The following CTDSPL variants were observed in gnomAD, a reference collection of about 807,000 sequenced individuals.
The protein encoded by CTDSPL is CTD small phosphatase like, also known as CTD small phosphatase-like protein.
A neutral mutation model predicts 30.5 loss-of-function variants in CTDSPL; 8 were observed. That is an observed-to-expected ratio of 0.26 (90% CI 0.15 to 0.47). The LOEUF is 0.47. Ranked by LOEUF, CTDSPL falls within the 20% of genes least tolerant of loss-of-function variation. The pLI is 0.99. For synonymous variants in CTDSPL, 110 were observed against 137.9 expected (o/e 0.80, Z 1.42); for missense variants, 248 against 366.1 (o/e 0.68, Z 2.63).
At chr3:37,882,999 C>T (rs572060763) in intron 1 of CTDSPL, among the ~76,000 whole-genome samples, 2 of 152,308 alleles carry the variant, frequency 1.3e-5, no homozygotes, top group South Asian at 4.1e-4. Context: ...GTTCTATTTA[C>T]AAACGTGTAG....
At chr3:37,930,674 A>G (rs1412488168) in intron 1 of CTDSPL, among the ~76,000 whole-genome samples, 2 of 152,182 alleles carry the variant, frequency 1.3e-5, no homozygotes, top group Non-Finnish European at 2.9e-5. Context: ...TATCCTGGAG[A>G]GTATTTTGCA....
Position 37,862,212 on chromosome 3 carries a change from G to T in CTDSPL, c.13G>T (p.Ala5Ser). 7.0e-7 allele frequency: 1 copy of T among 1,438,248 alleles called. No homozygotes were observed. Among genetic ancestry groups the T allele is most frequent in the South Asian group, 1.4e-5 (1 of 73,730 alleles). The allele number at this position is 1,438,248 out of a possible 1,614,324, so 89.1% of individuals were successfully genotyped here. The change falls in exon 1 of 8, where the codon GCC becomes TCC. Residue 5 changes from alanine to serine, a missense_variant. Ala to Ser is a moderately conservative substitution (Grantham distance 99). Coordinates refer to ENST00000273179, the MANE Select transcript of CTDSPL (RefSeq NM_001008392.2). The surrounding 1 kb of genome is among the most constrained non-coding windows in gnomAD (Gnocchi z 4.3). ...GCGCCGCGCACCCATGGACGGCCCGGCCATCATCACCCAGGTGACCAACCC... is the reference window on the plus strand; with the variant it reads ...GCGCCGCGCACCCATGGACGGCCCGTCCATCATCACCCAGGTGACCAACCC... MDGPAIITQVTNPKE... is the reference protein window; with the variant it reads MDGPSIITQVTNPKE...
intron 1 of CTDSPL, among the ~76,000 whole-genome samples, chr3:37,928,831 G>A (rs1698816504): frequency 1.3e-5 from 2 of 152,106 alleles, no homozygotes; most frequent in Admixed American, 6.5e-5. Context: ...TGGTTTTAGT[G>A]TCATATCCAA....
In CTDSPL at chr3:37,981,065, C is replaced by A; in HGVS notation, c.*198C>A. On this transcript the variant is annotated 3_prime_UTR_variant, in exon 8 of 8. Transcript: ENST00000273179. ...TTAAAAGAACTCTTTTAAGAAATTT[C>A]ATAAAGGGACATGCATTTTACTGGG... is the stretch of plus-strand genomic sequence containing the variant. 2.2e-5 allele frequency: 8 copies of A among 362,646 alleles called. No homozygotes were observed. Among genetic ancestry groups the A allele is most frequent in the East Asian group, 5.6e-5 (1 of 17,946 alleles). 22.5% of individuals were successfully genotyped at this position (362,646 alleles called of 1,614,324 possible).
intron 4 of CTDSPL, among the ~76,000 whole-genome samples, chr3:37,967,187 A>G (rs1443511722): frequency 6.6e-6 from 1 of 152,228 alleles, no homozygotes; most frequent in Non-Finnish European, 1.5e-5. Flanking sequence ...AGGGCCTGAA[A>G]TCACTGATTC....
At chr3:37,867,530 G>A (rs1698024408) in intron 1 of CTDSPL, among the ~76,000 whole-genome samples, 1 of 152,172 alleles carries the variant, frequency 6.6e-6, no homozygotes, top group South Asian at 2.1e-4. Flanking sequence ...TAAAGAAACT[G>A]CCAAACTGTT....
chr3:37,904,867 C>T (rs1698495827), intron 1 of CTDSPL, among the ~76,000 whole-genome samples: 1 of 152,154 alleles, frequency 6.6e-6, no homozygotes, highest in Non-Finnish European at 1.5e-5. Flanking sequence ...GGATTTCCTG[C>T]CTCTAGGTCT....
At chr3:37,879,506 C>T (rs964853628) in intron 1 of CTDSPL, among the ~76,000 whole-genome samples, 1 of 152,236 alleles carries the variant, frequency 6.6e-6, no homozygotes, top group Admixed American at 6.5e-5. Context: ...TTTTGAGCCT[C>T]CTATGCGGGA....
intron 1 of CTDSPL, among the ~76,000 whole-genome samples, chr3:37,922,481 C>T (rs1341332522): frequency 6.6e-6 from 1 of 152,174 alleles, no homozygotes; most frequent in Non-Finnish European, 1.5e-5. Flanking sequence ...AGATAGATGT[C>T]AGGACAACAA....
At chr3:37,867,318 C>T (rs866659474) in intron 1 of CTDSPL, among the ~76,000 whole-genome samples, 2 of 151,988 alleles carry the variant, frequency 1.3e-5, no homozygotes, top group Admixed American at 6.6e-5. Context: ...CAATTGTATT[C>T]CATGACATGG....
At chr3:37,921,214 T>G (rs1698709571) in intron 1 of CTDSPL, among the ~76,000 whole-genome samples, 1 of 152,344 alleles carries the variant, frequency 6.6e-6, no homozygotes, top group Admixed American at 6.5e-5. Context: ...AGAGTCTAGC[T>G]TCTGACTGGC....
At chr3:37,968,272 T>C in intron 5 of CTDSPL, 1 of 457,562 alleles carries the variant, frequency 2.2e-6, no homozygotes, top group South Asian at 1.6e-5. Context: ...CGGGAAAAAG[T>C]GTCCATTTTC....
intron 1 of CTDSPL, among the ~76,000 whole-genome samples, chr3:37,897,858 G>T (rs1357505460): frequency 6.6e-6 from 1 of 152,148 alleles, no homozygotes; most frequent in Non-Finnish European, 1.5e-5. Flanking sequence ...TAGTAAGTTT[G>T]CCATTGCCGT....
At position 37,964,671 on chromosome 3, in the gene CTDSPL, A is replaced by G; in HGVS notation, c.368A>G (p.Lys123Arg). The G allele has an allele frequency of 6.2e-7, 1 of 1,603,326 alleles. No homozygotes were observed. The highest frequency in any genetic ancestry group is 8.5e-7 in the Non-Finnish European group (1 of 1,172,876). Reference sequence around the variant, plus strand: ...GAAACATTGGTGCACAGTTCGTTTAAGGTAAATCAACATAAAAAAAAAATC... The same window carrying G: ...GAAACATTGGTGCACAGTTCGTTTAGGGTAAATCAACATAAAAAAAAAATC... Reference protein sequence around the residue: ...LDETLVHSSFKPISNADFIVP... With the variant: ...LDETLVHSSFRPISNADFIVP... The change falls in exon 4 of 8, where the codon AAG becomes AGG. Residue 123 changes from lysine (K) to arginine (R), a missense_variant and splice_region_variant. By Grantham distance (26) the Lys-to-Arg change is conservative. Transcript: ENST00000273179.
intron 1 of CTDSPL, among the ~76,000 whole-genome samples, chr3:37,893,185 T>G (rs1345178718): frequency 1.3e-5 from 2 of 152,178 alleles, no homozygotes; most frequent in Non-Finnish European, 2.9e-5. Flanking sequence ...AGAACACAGC[T>G]GTTGTTTGGA....
intron 1 of CTDSPL, among the ~76,000 whole-genome samples, chr3:37,875,675 C>T (rs956667495): frequency 6.6e-6 from 1 of 152,308 alleles, no homozygotes; most frequent in East Asian, 1.9e-4. Flanking sequence ...TATCTGGCTC[C>T]CTTATGTACA....
chr3:37,979,334 G>A (rs527572194), intron 7 of CTDSPL, among the ~76,000 whole-genome samples: 101 of 152,028 alleles, frequency 6.6e-4, no homozygotes, highest in Non-Finnish European at 1.2e-3. Flanking sequence ...CTGGGGTGGT[G>A]GCTCATGCCT....
At chr3:37,932,723 T>C (rs1189571914) in intron 1 of CTDSPL, among the ~76,000 whole-genome samples, 1 of 152,128 alleles carries the variant, frequency 6.6e-6, no homozygotes, top group East Asian at 1.9e-4. Flanking sequence ...TGGGTGGGAG[T>C]GTACACTAGC....
intron 1 of CTDSPL, among the ~76,000 whole-genome samples, chr3:37,909,566 C>A (rs1698556756): frequency 6.6e-6 from 1 of 152,238 alleles, no homozygotes; most frequent in Non-Finnish European, 1.5e-5. Flanking sequence ...AACAGTGGAG[C>A]TGTTGTTCTG....
Sources: gnomAD v4.1 joint callset for allele counts (sites outside exome capture counted in the v4.1 genomes callset) on GRCh38, gnomAD v4.1.1 for gene constraint, Gnocchi (gnomAD v3.1) non-coding constraint, MANE v1.5 for transcripts, NCBI Gene and HGNC (gene_info 2026-07-23, HGNC 2026-07-21) for gene names.